The following CYSLTR2 variants were observed in gnomAD, a reference collection of about 807,000 sequenced individuals.
CYSLTR2 encodes G-protein coupled receptor GPCR21.
For synonymous variants in CYSLTR2, 179 were observed against 160.8 expected (o/e 1.11, Z -0.86); for missense variants, 398 against 411.9 (o/e 0.97, Z 0.29).
rs1466258523 is a variant in CYSLTR2 at position 48,707,150 on chromosome 13, C to A, written c.333C>A (p.Cys111Ter). The A allele has an allele frequency of 1.2e-6, 2 of 1,614,006 alleles. No homozygotes were observed. The highest frequency in any genetic ancestry group is 2.7e-5 in the African/African-American group (2 of 74,926). ...ATTGGATATTTGGAGACCTGGCCTG[C>A]AGGATTATGTCTTATTCCTTGTATG... ...GSNWIFGDLA[C>*]RIMSYSLYVN... Residue 111 changes from cysteine to a stop codon, truncating the protein, a stop_gained, in exon 5 of 5, where the codon TGC becomes TGA. Coordinates refer to ENST00000682523, the MANE Select transcript of CYSLTR2 (RefSeq NM_001308476.3). LOFTEE classifies it low-confidence loss of function (END_TRUNC).
intron 4 of CYSLTR2, among the ~76,000 whole-genome samples, chr13:48,705,999 G>GTTT (rs35132729): frequency 2.9e-5 from 4 of 137,524 alleles, no homozygotes; most frequent in Non-Finnish European, 6.2e-5. Context: ...TTTTGTTGTT[G>GTTT]TTTTTTTTTT....
chr13:48,708,918 C>T lies in CYSLTR2; in HGVS notation c.*1060C>T, dbSNP rs1009633047. 1 of 167,070 alleles carries T rather than the reference C, an allele frequency of 6.0e-6. No homozygotes were observed. The highest frequency in any genetic ancestry group is 2.4e-5 in the African/African-American group (1 of 41,460). 10.3% of individuals were successfully genotyped at this position (167,070 alleles called of 1,614,324 possible). ...CACTGAAACAAGGCTAAGGATACTA[C>T]CAACTACTATCACCATGACCATTGT... On this transcript the variant is annotated 3_prime_UTR_variant, in exon 5 of 5. Transcript: ENST00000682523.
At chr13:48,655,836 G>A (rs1279355623) in intron 1 of CYSLTR2, among the ~76,000 whole-genome samples, 1 of 152,168 alleles carries the variant, frequency 6.6e-6, no homozygotes, top group East Asian at 1.9e-4. Flanking sequence ...ATCTGGTTGA[G>A]CCCAGGGCAC....
intron 1 of CYSLTR2, among the ~76,000 whole-genome samples, chr13:48,662,497 C>T (rs1010679589): frequency 1.3e-5 from 2 of 152,182 alleles, no homozygotes; most frequent in East Asian, 3.8e-4. Context: ...TCCCTTTACT[C>T]CACATCCTTG....
intron 4 of CYSLTR2, among the ~76,000 whole-genome samples, chr13:48,705,653 T>C (rs1199629155): frequency 1.3e-5 from 2 of 149,352 alleles, no homozygotes; most frequent in Non-Finnish European, 3.0e-5. Context: ...CTTATGATAG[T>C]CTATTAGCAT....
chr13:48,675,435 C>T (rs1239775419), intron 1 of CYSLTR2, among the ~76,000 whole-genome samples: 1 of 152,150 alleles, frequency 6.6e-6, no homozygotes, highest in Non-Finnish European at 1.5e-5. Flanking sequence ...GCTTTGTTTA[C>T]ACTGTGAGGG....
intron 1 of CYSLTR2, among the ~76,000 whole-genome samples, chr13:48,683,052 C>A (rs934635488): frequency 6.6e-6 from 1 of 152,176 alleles, no homozygotes; most frequent in African/African-American, 2.4e-5. Context: ...CTGCAAAGGA[C>A]ACGATCTCAT....
At chr13:48,682,165 A>T (rs2138898983) in intron 1 of CYSLTR2, among the ~76,000 whole-genome samples, 1 of 152,244 alleles carries the variant, frequency 6.6e-6, no homozygotes, top group Non-Finnish European at 1.5e-5. Context: ...GCTGACACAT[A>T]ATTGTGACAT....
intron 1 of CYSLTR2, among the ~76,000 whole-genome samples, chr13:48,655,234 C>A (rs1952972295): frequency 6.6e-6 from 1 of 152,192 alleles, no homozygotes; most frequent in Admixed American, 6.5e-5. Context: ...CTGCTAGAAT[C>A]TACCAAGGCA....
chr13:48,711,058 T>C lies in CYSLTR2; in HGVS notation c.*3200T>C, dbSNP rs1046236494. The C allele has an allele frequency of 4.6e-5, 7 of 151,910 alleles. No homozygotes were observed. The highest frequency in any genetic ancestry group is 1.2e-4 in the African/African-American group (5 of 41,328). The allele number at this position is 151,910 out of a possible 1,614,324, so 9.4% of individuals were successfully genotyped here. ...ATATTATTTAGCAATAGGAGGTAAATACAGGTAGAAGCAGAAGAAAGAATG... is the reference window on the plus strand; with the variant it reads ...ATATTATTTAGCAATAGGAGGTAAACACAGGTAGAAGCAGAAGAAAGAATG... On this transcript the variant is annotated 3_prime_UTR_variant, in exon 5 of 5. Transcript: ENST00000682523.
At chr13:48,702,202 T>C (rs1191030467) in intron 4 of CYSLTR2, among the ~76,000 whole-genome samples, 1 of 139,428 alleles carries the variant, frequency 7.2e-6, no homozygotes, top group Non-Finnish European at 1.5e-5. Flanking sequence ...TAGGTGGGAA[T>C]TGAACAATGA....
chr13:48,710,901 C>T lies in CYSLTR2; in HGVS notation c.*3043C>T, dbSNP rs1368019401. 1 of 152,082 alleles carries T rather than the reference C, an allele frequency of 6.6e-6. No individual in the cohort carries two copies. Among genetic ancestry groups the T allele is most frequent in the East Asian group, 1.9e-4 (1 of 5,198 alleles). The allele number at this position is 152,082 out of a possible 1,614,324, so 9.4% of individuals were successfully genotyped here. A position where few individuals can be genotyped will look rare whatever the true frequency, so the allele number is the denominator to read the frequency against. On this transcript the variant is annotated 3_prime_UTR_variant, in exon 5 of 5. Coordinates refer to ENST00000682523, the MANE Select transcript of CYSLTR2 (RefSeq NM_001308476.3). Reference sequence around the variant, plus strand: ...GCTGGAGTGAAATACTGTGATATAACCTTTTTTTCAGGAAATGAAGGGAGA... The same window carrying T: ...GCTGGAGTGAAATACTGTGATATAATCTTTTTTTCAGGAAATGAAGGGAGA...
At chr13:48,680,804 T>TC (rs1953734173) in intron 1 of CYSLTR2, among the ~76,000 whole-genome samples, 1 of 94,008 alleles carries the variant, frequency 1.1e-5, no homozygotes, top group South Asian at 4.3e-4. Flanking sequence ...TCTTTTCTTT[T>TC]TTTTTTTTTT....
intron 2 of CYSLTR2, among the ~76,000 whole-genome samples, chr13:48,692,243 A>G (rs1444393450): frequency 6.6e-6 from 1 of 152,046 alleles, no homozygotes; most frequent in Non-Finnish European, 1.5e-5. Context: ...CATTTTATTA[A>G]AGCAAGGAGT....
chr13:48,686,633 G>A (rs544296201), intron 1 of CYSLTR2, among the ~76,000 whole-genome samples: 8 of 152,230 alleles, frequency 5.3e-5, no homozygotes, highest in East Asian at 1.9e-4. Flanking sequence ...GGGCTGCTCC[G>A]TAGTATTTAT....
chr13:48,684,719 C>T (rs1953853009), intron 1 of CYSLTR2, among the ~76,000 whole-genome samples: 1 of 152,044 alleles, frequency 6.6e-6, no homozygotes. Context: ...ACCCCAGGTA[C>T]CTGTGAAAGT....
At chr13:48,695,411 C>T (rs1266141867) in intron 3 of CYSLTR2, among the ~76,000 whole-genome samples, 2 of 128,920 alleles carry the variant, frequency 1.6e-5, no homozygotes, top group South Asian at 2.4e-4. Context: ...CTCTCTTTCT[C>T]TCTCTCTCTC....
intron 1 of CYSLTR2, among the ~76,000 whole-genome samples, chr13:48,686,883 A>C (rs1183816454): frequency 6.6e-6 from 1 of 152,184 alleles, no homozygotes; most frequent in South Asian, 2.1e-4. Context: ...GGATTAAGGA[A>C]TACCTGGAGA....
intron 1 of CYSLTR2, among the ~76,000 whole-genome samples, chr13:48,680,800 C>CTTTTTTTTTTTTTT (rs139896583): frequency 6.2e-4 from 34 of 55,000 alleles, no homozygotes; most frequent in Admixed American, 8.1e-4. Context: ...CTTTTCTTTT[C>CTTTTTTTTTTTTTT]TTTTTTTTTT....
Sources: gnomAD v4.1 joint callset for allele counts (sites outside exome capture counted in the v4.1 genomes callset) on GRCh38, gnomAD v4.1.1 for gene constraint, MANE v1.5 for transcripts, NCBI Gene and HGNC (gene_info 2026-07-23, HGNC 2026-07-21) for gene names.